TRIM36: variants seen among roughly 807,000 people sequenced by gnomAD.
The protein encoded by TRIM36 is tripartite motif containing 36.
Under a neutral mutation model 72.4 loss-of-function variants are expected in TRIM36, and 42 were observed. That is an observed-to-expected ratio of 0.58 (90% confidence interval 0.45 to 0.75). TRIM36 has a LOEUF of 0.75. TRIM36 is among the 30% of genes least tolerant of loss of function. The probability of loss-of-function intolerance (pLI) is 0.00; values close to 1 mark genes in which losing one functional copy is unlikely to be tolerated. For synonymous variants in TRIM36, 315 were observed against 282.8 expected (o/e 1.11, Z -1.14); for missense variants, 913 against 857.1 (o/e 1.07, Z -0.81).
In TRIM36 at chr5:115,144,610, G is replaced by A; in HGVS notation, c.723C>T (p.Tyr241=). The change falls in exon 4 of 10, where the codon TAC becomes TAT. Residue 241 remains tyrosine (Y), a synonymous_variant. Transcript: ENST00000513154. ...NHRVTTMSSA[Y]KTLKEKLSKD... The stretch of plus-strand genomic sequence containing the variant: ...AAATAAGTCCTACCTTTAAGGTTTT[G>A]TAGGCACTGCTCATAGTGGTTACAC... 3 of 1,613,544 alleles carry A rather than the reference G, an allele frequency of 1.9e-6. No homozygotes were observed. Among genetic ancestry groups the A allele is most frequent in the Non-Finnish European group, 2.5e-6 (3 of 1,179,918 alleles).
At chr5:115,170,038 C>T (rs1311376677), upstream of TRIM36, 1 of 978,306 alleles carries the variant, frequency 1.0e-6, no homozygotes, top group Non-Finnish European at 1.2e-6. Flanking sequence ...GCTGGTAGGC[C>T]GGGTGTCTGA....
Position 115,147,192 on chromosome 5 carries a change from G to A in TRIM36, c.465C>T (p.Ser155=). 1 of 1,614,126 alleles carries A rather than the reference G, an allele frequency of 6.2e-7. No individual in the cohort carries two copies. Among genetic ancestry groups the A allele is most frequent in the Non-Finnish European group, 8.5e-7 (1 of 1,180,028 alleles). ...CACTACAGTCCATGCAGCTTTTTGTGGATTCTTGAGGTGGTGGTTTACAAA... is the reference window on the plus strand; with the variant it reads ...CACTACAGTCCATGCAGCTTTTTGTAGATTCTTGAGGTGGTGGTTTACAAA... ...CDLCKPPPQE[S]TKSCMDCSAS... The change falls in exon 3 of 10, where the codon TCC becomes TCT. Residue 155 remains serine, a synonymous_variant. Transcript: ENST00000513154.
intron 5 of TRIM36, among the ~76,000 whole-genome samples, chr5:115,138,407 T>C (rs1287596047): frequency 6.6e-6 from 1 of 152,102 alleles, no homozygotes; most frequent in African/African-American, 2.4e-5. Flanking sequence ...CCTAAAAAAG[T>C]TTTTAGCCAC....
Position 115,130,694 on chromosome 5 carries a change from G to A in TRIM36, c.1694C>T (p.Ala565Val), listed in dbSNP as rs1392411872. 5.6e-6 allele frequency: 9 copies of A among 1,614,126 alleles called. No homozygotes were observed. The South Asian group carries it at 9.9e-5, about 18-fold the overall frequency. Residue 565 changes from alanine to valine, a missense_variant, in exon 9 of 10, where the codon GCC becomes GTC. Coordinates refer to ENST00000513154, the MANE Select transcript of TRIM36 (RefSeq NM_001300759.2). The part of the protein sequence containing the change: ...TGITKGKHFW[A>V]FRVEPYSYLV... ...GTATGAATATGGTTCCACACGGAAG[G>A]CCCAGAAGTGTTTTCCTTTTGTAAT... is the stretch of plus-strand genomic sequence containing the variant.
chr5:115,159,508 A>T (rs2112893031), intron 2 of TRIM36: 1 of 282,972 alleles, frequency 3.5e-6, no homozygotes, highest in South Asian at 3.2e-5. Context: ...AAGTCGTTTC[A>T]GCCCAATTTG....
chr5:115,157,713 GA>G (rs367577579), intron 2 of TRIM36, among the ~76,000 whole-genome samples: 1 of 152,102 alleles, frequency 6.6e-6, no homozygotes, highest in Admixed American at 6.6e-5. Flanking sequence ...CAAAAACGTG[GA>G]AAAAACCCAA....
At chr5:115,134,215 A>G (rs765530451) in intron 7 of TRIM36, 68 bp from the exon 8 acceptor site, 100 of 1,373,514 alleles carry the variant, frequency 7.3e-5, no homozygotes, top group Non-Finnish European at 9.1e-5. Flanking sequence ...TTTTTCCTCA[A>G]TAAAATGACA....
chr5:115,175,078 C>T (rs1248561969), intron 1 of TRIM36, among the ~76,000 whole-genome samples: 1 of 151,812 alleles, frequency 6.6e-6, no homozygotes, highest in African/African-American at 2.4e-5. Flanking sequence ...GAACACAATA[C>T]ACCCAGTTAA....
At chr5:115,151,860 G>C (rs978758032) in intron 2 of TRIM36, among the ~76,000 whole-genome samples, 7 of 152,142 alleles carry the variant, frequency 4.6e-5, no homozygotes, top group East Asian at 1.9e-4. Context: ...ACAACCCGTG[G>C]GACAAAAGGA....
chr5:115,130,616 G>C lies in TRIM36; in HGVS notation c.1772C>G (p.Ser591Cys), dbSNP rs1752625215. 6.2e-7 allele frequency: 1 copy of C among 1,614,014 alleles called. No individual in the cohort carries two copies. Among genetic ancestry groups the C allele is most frequent in the Non-Finnish European group, 8.5e-7 (1 of 1,180,006 alleles). ...SSDKLQEWLRSPRDAVSPRYE... is the reference protein window; with the variant it reads ...SSDKLQEWLRCPRDAVSPRYE... The stretch of plus-strand genomic sequence containing the variant: ...CCTTGGACTAACTGCATCCCGGGGA[G>C]AACGGAGCCATTCTTGTAGTTTATC... The change falls in exon 9 of 10, where the codon TCT becomes TGT. Residue 591 changes from serine to cysteine, a missense_variant. Coordinates refer to ENST00000513154, the MANE Select transcript of TRIM36 (RefSeq NM_001300759.2).
intron 2 of TRIM36, among the ~76,000 whole-genome samples, chr5:115,151,366 C>G (rs1041714396): frequency 1.3e-5 from 2 of 152,218 alleles, no homozygotes; most frequent in African/African-American, 4.8e-5. Context: ...CCCGCAGCAG[C>G]TGCAGCAAGA....
Position 115,126,646 on chromosome 5 carries a change from T to C in TRIM36, c.2008A>G (p.Met670Val). 1 of 1,614,182 alleles carries C rather than the reference T, an allele frequency of 6.2e-7. No individual in the cohort carries two copies. Among genetic ancestry groups the C allele is most frequent in the East Asian group, 2.2e-5 (1 of 44,876 alleles). ...TCATAAAGGCATTTCATCTGATCCATATCATAGAAATCTACTTTGCCTTTA... is the reference window on the plus strand; with the variant it reads ...TCATAAAGGCATTTCATCTGATCCACATCATAGAAATCTACTTTGCCTTTA... ...CDKGKVDFYD[M>V]DQMKCLYERQ... is the part of the protein sequence containing the mutation. Residue 670 changes from methionine to valine, a missense_variant, in exon 10 of 10, where the codon ATG (methionine) becomes GTG (valine). Met to Val is a conservative substitution (Grantham distance 21). Coordinates refer to ENST00000513154, the MANE Select transcript of TRIM36 (RefSeq NM_001300759.2).
intron 9 of TRIM36, among the ~76,000 whole-genome samples, chr5:115,128,731 C>T (rs988875093): frequency 9.4e-6 from 1 of 106,560 alleles, no homozygotes; most frequent in African/African-American, 3.4e-5. Context: ...CGCAGTCCGG[C>T]CTGGGCGACA....
chr5:115,140,776 G>C (rs913125014), intron 5 of TRIM36, among the ~76,000 whole-genome samples: 23 of 152,068 alleles, frequency 1.5e-4, no homozygotes, highest in African/African-American at 5.6e-4. Context: ...CTGTTAATGG[G>C]CATGTGGGTA....
intron 9 of TRIM36, among the ~76,000 whole-genome samples, chr5:115,128,613 G>A (rs11744996): frequency 2.2e-4 from 32 of 147,978 alleles, no homozygotes; most frequent in Non-Finnish European, 1.6e-4. Context: ...TTAGCCGGGC[G>A]CGGTGGCGGG....
rs1192581321 is a variant in TRIM36, at chr5:115,125,206, T to C, written c.*1297A>G. ...AAACATGTCAAAAGCATTCCATAAA[T>C]GATTACTGCTACAATGCATAAAAGT... is the stretch of plus-strand genomic sequence containing the variant. On this transcript the variant is annotated 3_prime_UTR_variant, in exon 10 of 10. Transcript: ENST00000513154. 1.3e-5 allele frequency: 2 copies of C among 152,102 alleles called. No homozygotes were observed. The highest frequency in any genetic ancestry group is 2.9e-5 in the Non-Finnish European group (2 of 67,966). The allele number at this position is 152,102 out of a possible 1,614,324, so 9.4% of individuals were successfully genotyped here. A position where few individuals can be genotyped will look rare whatever the true frequency, so the allele number is the denominator to read the frequency against.
At chr5:115,177,719 C>T (rs774260192) in intron 1 of TRIM36, 1 of 1,613,972 alleles carries the variant, frequency 6.2e-7, no homozygotes, top group East Asian at 2.2e-5. Flanking sequence ...TCTCCCCCTC[C>T]AACCCCCACA....
At chr5:115,165,923 C>A (rs552087618) in intron 1 of TRIM36, among the ~76,000 whole-genome samples, 1 of 152,274 alleles carries the variant, frequency 6.6e-6, no homozygotes, top group African/African-American at 2.4e-5. Flanking sequence ...CATGACCTGG[C>A]CAGGTGTGTG....
chr5:115,127,072 T>C (rs1431919457), intron 9 of TRIM36, among the ~76,000 whole-genome samples: 1 of 152,242 alleles, frequency 6.6e-6, no homozygotes, highest in African/African-American at 2.4e-5. Flanking sequence ...AACACTGCTT[T>C]AGTTATATAC....
Sources: allele counts gnomAD v4.1 joint callset (sites outside exome capture counted in the v4.1 genomes callset), GRCh38; gene constraint gnomAD v4.1.1; transcripts MANE v1.5; gene names NCBI Gene and HGNC (gene_info 2026-07-23, HGNC 2026-07-21).